BMPR2: variants seen among roughly 807,000 people sequenced by gnomAD.
The protein encoded by BMPR2 is bone morphogenetic protein receptor type-2.
In BMPR2, 29 loss-of-function variants were observed where a neutral mutation model predicts 100.8. The ratio of observed to expected loss-of-function variants is 0.29; its 90% CI spans 0.21 to 0.39. The LOEUF is 0.39. Among genes scored for constraint, BMPR2 ranks in the 10% least tolerant of loss-of-function variants. The pLI, the probability that BMPR2 is intolerant of heterozygous loss-of-function variation, is 1.00. For missense variants in BMPR2, 1,011 were observed against 1,274.5 expected (o/e 0.79, Z 3.15); for synonymous variants, 382 against 442.3 (o/e 0.86, Z 1.71).
chr2:202,386,893 C>T (rs1481071102), intron 1 of BMPR2, among the ~76,000 whole-genome samples: 1 of 152,072 alleles, frequency 6.6e-6, no homozygotes, highest in Non-Finnish European at 1.5e-5. Context: ...CTGTGTTAGC[C>T]AGGATGGTCT....
intron 7 of BMPR2, among the ~76,000 whole-genome samples, chr2:202,524,377 A>C (rs1023361368): frequency 6.6e-6 from 1 of 150,550 alleles, no homozygotes; most frequent in Non-Finnish European, 1.5e-5. Context: ...AAAAAAAAAA[A>C]CAACTACCTG....
rs747298677 is a variant in BMPR2, at chr2:202,455,578, TCTTA to T, written c.77-9227_77-9224del. ...AGTGAGATACAATGCTGTGATTGTGTCTTACTTGAAGTCTGCTTTCCTCAGTAAA... is the reference window on the plus strand; with the variant it reads ...AGTGAGATACAATGCTGTGATTGTGTCTTGAAGTCTGCTTTCCTCAGTAAA... On this transcript the variant is annotated intron_variant, in intron 1 of 12. Coordinates refer to ENST00000374580, the MANE Select transcript of BMPR2 (RefSeq NM_001204.7). 5.9e-5 allele frequency among the ~76,000 whole-genome samples: 9 copies of T among 152,360 alleles called. No homozygotes were observed. In the East Asian group the frequency reaches 1.7e-3, roughly 29 times the overall value.
At chr2:202,416,005 A>G (rs1335033378) in intron 1 of BMPR2, among the ~76,000 whole-genome samples, 1 of 152,244 alleles carries the variant, frequency 6.6e-6, no homozygotes, top group Non-Finnish European at 1.5e-5. Flanking sequence ...AATGCAAAAC[A>G]TTCTGGAAGG....
chr2:202,527,538 C>A (rs1355144543), intron 7 of BMPR2, among the ~76,000 whole-genome samples: 1 of 150,998 alleles, frequency 6.6e-6, no homozygotes, highest in Non-Finnish European at 1.5e-5. Flanking sequence ...GTAATCCCAG[C>A]ACTTTGGGAG....
At chr2:202,460,576 G>C (rs1692206509) in intron 1 of BMPR2, among the ~76,000 whole-genome samples, 1 of 152,108 alleles carries the variant, frequency 6.6e-6, no homozygotes, top group African/African-American at 2.4e-5. Flanking sequence ...AGACATTGTA[G>C]TACAAAATTG....
At chr2:202,516,136 G>A (rs1179127791) in intron 5 of BMPR2, among the ~76,000 whole-genome samples, 4 of 152,062 alleles carry the variant, frequency 2.6e-5, no homozygotes, top group African/African-American at 4.8e-5. Context: ...TTACCATGAT[G>A]AGTGTTTTTA....
chr2:202,557,809 T>G (rs1688608118), intron 12 of BMPR2, among the ~76,000 whole-genome samples: 1 of 152,202 alleles, frequency 6.6e-6, no homozygotes, highest in South Asian at 2.1e-4. Context: ...AATATGTGCT[T>G]TATGTGGCTG....
intron 1 of BMPR2, among the ~76,000 whole-genome samples, chr2:202,412,973 A>G (rs989281410): frequency 6.6e-6 from 1 of 152,118 alleles, no homozygotes; most frequent in Admixed American, 6.5e-5. Flanking sequence ...CTTGGATTCC[A>G]TATTTGTAAA....
intron 1 of BMPR2, among the ~76,000 whole-genome samples, chr2:202,419,837 T>A (rs1691221774): frequency 6.6e-6 from 1 of 151,996 alleles, no homozygotes; most frequent in African/African-American, 2.4e-5. Flanking sequence ...ATATGAGAAA[T>A]TAGAAAAAAG....
At chr2:202,384,569 T>TTTTTTTTCTTTC (rs1553493267) in intron 1 of BMPR2, among the ~76,000 whole-genome samples, 1 of 93,504 alleles carries the variant, frequency 1.1e-5, no homozygotes, top group Non-Finnish European at 2.0e-5. Context: ...TCTTTCTTTC[T>TTTTTTTTCTTTC]TTTTCTTTCT....
intron 6 of BMPR2, among the ~76,000 whole-genome samples, chr2:202,519,312 G>A (rs769370997): frequency 1.1e-4 from 16 of 152,130 alleles, no homozygotes; most frequent in African/African-American, 3.1e-4. Context: ...GCAGGGAGCC[G>A]AGATTGTACA....
At chr2:202,488,704 A>G (rs1692835069) in intron 3 of BMPR2, among the ~76,000 whole-genome samples, 1 of 152,172 alleles carries the variant, frequency 6.6e-6, no homozygotes, top group African/African-American at 2.4e-5. Flanking sequence ...AAGTGCTAGA[A>G]TTACAGGTGT....
chr2:202,463,656 C>T (rs73990292), intron 1 of BMPR2, among the ~76,000 whole-genome samples: 141 of 152,224 alleles, frequency 9.3e-4, no homozygotes, highest in African/African-American at 3.3e-3. Context: ...ATATTGCTTT[C>T]GATAACCTTT....
At chr2:202,512,071 A>C (rs1161044385) in intron 3 of BMPR2, among the ~76,000 whole-genome samples, 1 of 152,108 alleles carries the variant, frequency 6.6e-6, no homozygotes, top group African/African-American at 2.4e-5. Flanking sequence ...TGGTCTGCAA[A>C]TTAAGAGTAT....
intron 1 of BMPR2, among the ~76,000 whole-genome samples, chr2:202,451,877 G>A (rs1376838660): frequency 6.6e-6 from 1 of 151,960 alleles, no homozygotes; most frequent in East Asian, 2.0e-4. Context: ...AGCCTCCTGA[G>A]TAGCTGGGAT....
chr2:202,487,073 AT>A (rs1380816109), intron 3 of BMPR2, among the ~76,000 whole-genome samples: 1 of 152,226 alleles, frequency 6.6e-6, no homozygotes, highest in African/African-American at 2.4e-5. Flanking sequence ...TAATAAAAAA[AT>A]GCCTGCCTAA....
At chr2:202,442,790 C>T (rs1430473403) in intron 1 of BMPR2, among the ~76,000 whole-genome samples, 2 of 150,908 alleles carry the variant, frequency 1.3e-5, no homozygotes, top group African/African-American at 5.0e-5. Context: ...TTTTAAAAGA[C>T]TGAATAATAT....
At chr2:202,538,448 C>T (rs1317441581) in intron 9 of BMPR2, among the ~76,000 whole-genome samples, 8 of 151,156 alleles carry the variant, frequency 5.3e-5, no homozygotes, top group Non-Finnish European at 1.5e-5. Context: ...CAGAGCGAGA[C>T]TCCATCTCTT....
chr2:202,432,326 G>T (rs181699677), intron 1 of BMPR2, among the ~76,000 whole-genome samples: 1 of 150,644 alleles, frequency 6.6e-6, no homozygotes, highest in African/African-American at 2.5e-5. Flanking sequence ...ATTCCTTGCC[G>T]GTTATTTGAG....
Sources: allele counts gnomAD v4.1 joint callset (sites outside exome capture counted in the v4.1 genomes callset), GRCh38; gene constraint gnomAD v4.1.1; transcripts MANE v1.5; gene names NCBI Gene and HGNC (gene_info 2026-07-23, HGNC 2026-07-21).